The following FMNL3 variants were observed in gnomAD, a reference collection of about 807,000 sequenced individuals.
The protein encoded by FMNL3 is formin-like protein 3.
In FMNL3, 57 loss-of-function variants were observed where a neutral mutation model predicts 119.6. The observed-to-expected ratio is 0.48, with a 90% CI of 0.39 to 0.59. The LOEUF is 0.59. Ranked by LOEUF, FMNL3 falls within the 20% of genes least tolerant of loss-of-function variation. The pLI, the probability that FMNL3 is intolerant of heterozygous loss-of-function variation, is 0.00. For missense variants in FMNL3, 1,053 were observed against 1,323.5 expected (o/e 0.80, Z 3.17); for synonymous variants, 491 against 507.3 (o/e 0.97, Z 0.43).
rs200448485 is a variant in FMNL3, at chr12:49,666,193, C to T, written c.225G>A (p.Val75=). ...DLICDQERFQ[V]KNPPHTYIQK... The stretch of plus-strand genomic sequence containing the variant: ...GAATGTAAGTGTGGGGAGGATTCTT[C>T]ACCTGGAATCGTTCCTGTAAGGGAA... Residue 75 remains valine (V), a synonymous_variant, in exon 3 of 26, where the codon GTG becomes GTA. Transcript: ENST00000335154. 2 of 1,613,904 alleles carry T rather than the reference C, an allele frequency of 1.2e-6. No homozygotes were observed. Among genetic ancestry groups the T allele is most frequent in the Middle Eastern group, 1.7e-4 (1 of 6,056 alleles).
chr12:49,688,414 C>T (rs949125061), intron 1 of FMNL3: 11 of 455,990 alleles, frequency 2.4e-5, no homozygotes, highest in Non-Finnish European at 4.0e-5. Context: ...CCAAGGCCAA[C>T]AAGGTCCCAC....
rs759115586 is a variant in FMNL3, at chr12:49,642,363, C to G, written c.*3452G>C. ...TGCCTGCTCTGGAGCTAGGCACTGCCTGGGAAGAGGTCAGGAGCGTAGCCT... is the reference window on the plus strand; with the variant it reads ...TGCCTGCTCTGGAGCTAGGCACTGCGTGGGAAGAGGTCAGGAGCGTAGCCT... On this transcript the variant is annotated 3_prime_UTR_variant, in exon 26 of 26. Coordinates refer to ENST00000335154, the MANE Select transcript of FMNL3 (RefSeq NM_175736.5). This position sits in a 1 kb window ranked among gnomAD's most constrained non-coding sequence, Gnocchi z 5.8. 1 of 1,613,778 alleles carries G rather than the reference C, an allele frequency of 6.2e-7. No individual in the cohort carries two copies. The highest frequency in any genetic ancestry group is 1.1e-5 in the South Asian group (1 of 91,062).
In FMNL3 at chr12:49,652,188, G is replaced by GC. The variant is rs1943425412; in HGVS notation, c.1347_1348insG (p.Gln450AlafsTer10). 6.2e-7 allele frequency: 1 copy of GC among 1,612,996 alleles called. No homozygotes were observed. Among genetic ancestry groups the GC allele is most frequent in the African/African-American group, 1.3e-5 (1 of 74,898 alleles). The stretch of plus-strand genomic sequence containing the variant: ...ATGAGCCTCCGCAGGGTGTGCACCT[G>GC]GTGGCTTGTGTTCTCATATGTCTCC... On this transcript the variant is annotated frameshift_variant, in exon 14 of 26. Transcript: ENST00000335154. LOFTEE classifies it high-confidence loss of function.
Position 49,643,294 on chromosome 12 carries a change from C to G in FMNL3, c.*2521G>C. On this transcript the variant is annotated 3_prime_UTR_variant, in exon 26 of 26. Coordinates refer to ENST00000335154, the MANE Select transcript of FMNL3 (RefSeq NM_175736.5). ...CCCCCAAGCGGAGGAGGCGGAACCC[C>G]TCAGAGTCAGGCTCTGAGCCCTCTT... 1 of 1,613,416 alleles carries G rather than the reference C, an allele frequency of 6.2e-7. No individual in the cohort carries two copies. Among genetic ancestry groups the G allele is most frequent in the Non-Finnish European group, 8.5e-7 (1 of 1,179,802 alleles).
chr12:49,683,385 G>A (rs1413759983), intron 1 of FMNL3, among the ~76,000 whole-genome samples: 5 of 151,984 alleles, frequency 3.3e-5, no homozygotes, highest in Non-Finnish European at 5.9e-5. Flanking sequence ...CTTCTACTGT[G>A]TTCCCTTGTT....
chr12:49,649,545 G>C lies in FMNL3; in HGVS notation c.2236-7C>G. 2 of 1,614,196 alleles carry C rather than the reference G, an allele frequency of 1.2e-6. No homozygotes were observed. Among genetic ancestry groups the C allele is most frequent in the Non-Finnish European group, 8.5e-7 (1 of 1,180,050 alleles). On this transcript the variant is annotated splice_polypyrimidine_tract_variant and splice_region_variant and intron_variant, in intron 18 of 25. Transcript: ENST00000335154. The surrounding 1 kb of genome is among the most constrained non-coding windows in gnomAD (Gnocchi z 5.6). ...CAATGATGGCATTGAGTTGCTGTAGGACAATATGAACACTGAAGTAACCCC... is the reference window on the plus strand; with the variant it reads ...CAATGATGGCATTGAGTTGCTGTAGCACAATATGAACACTGAAGTAACCCC...
At chr12:49,698,308 C>T (rs559583918) in intron 1 of FMNL3, among the ~76,000 whole-genome samples, 6 of 151,914 alleles carry the variant, frequency 3.9e-5, no homozygotes, top group Non-Finnish European at 7.4e-5. Flanking sequence ...AAGAGATGGA[C>T]GTGGGGGATA....
chr12:49,684,411 T>G (rs930539673), intron 1 of FMNL3, among the ~76,000 whole-genome samples: 1 of 152,216 alleles, frequency 6.6e-6, no homozygotes, highest in Non-Finnish European at 1.5e-5. Context: ...TGTACTGTTA[T>G]GACACCAACT....
intron 1 of FMNL3, among the ~76,000 whole-genome samples, chr12:49,671,319 T>C (rs981756844): frequency 5.9e-5 from 9 of 152,348 alleles, no homozygotes; most frequent in South Asian, 2.1e-4. Context: ...TCCCAAAGTA[T>C]GGAAACGGGT....
intron 1 of FMNL3, 109 bp downstream of exon 1, chr12:49,706,946 G>C: frequency 7.8e-7 from 1 of 1,285,296 alleles, no homozygotes; most frequent in Non-Finnish European, 1.1e-6. Context: ...ATCCGTTCGG[G>C]ACCCCGACTG....
Position 49,656,464 on chromosome 12 carries a change from A to C in FMNL3, c.825T>G (p.Ala275=). ...CGTGACCTCCTCGCACCAAACACACAGCTGCCAGAAGCTCTAAGACAAGGG... is the reference window on the plus strand; with the variant it reads ...CGTGACCTCCTCGCACCAAACACACCGCTGCCAGAAGCTCTAAGACAAGGG... ...TKALVLELLA[A]VCLVRGGHEI... Residue 275 remains alanine, a synonymous_variant, in exon 9 of 26, where the codon GCT becomes GCG. Transcript: ENST00000335154. 2.5e-6 allele frequency: 4 copies of C among 1,614,118 alleles called. No individual in the cohort carries two copies. The highest frequency in any genetic ancestry group is 3.4e-6 in the Non-Finnish European group (4 of 1,179,996).
At position 49,636,797 on chromosome 12, in the gene FMNL3, G is replaced by A. The variant is rs752204001; in HGVS notation, c.*9018C>T. 2.1e-5 allele frequency: 34 copies of A among 1,614,112 alleles called. No individual in the cohort carries two copies. Among genetic ancestry groups the A allele is most frequent in the South Asian group, 5.5e-5 (5 of 91,088 alleles). ...AGGGAAGAGGAGGAGGAACGGGAGC[G>A]GGCCCGGCTTCGGGAGCGACGCCAA... On this transcript the variant is annotated 3_prime_UTR_variant, in exon 26 of 26. Coordinates refer to ENST00000335154, the MANE Select transcript of FMNL3 (RefSeq NM_175736.5).
chr12:49,662,854 T>G (rs181861430), intron 4 of FMNL3, among the ~76,000 whole-genome samples: 1 of 152,366 alleles, frequency 6.6e-6, no homozygotes. Flanking sequence ...TCTAGGGAAC[T>G]GTTATATGAC....
intron 4 of FMNL3, among the ~76,000 whole-genome samples, chr12:49,664,405 A>C (rs1943827269): frequency 1.3e-5 from 2 of 152,142 alleles, no homozygotes; most frequent in South Asian, 4.1e-4. Flanking sequence ...ACCCTGTCTT[A>C]AAAAACAAAT....
Position 49,644,227 on chromosome 12 carries a change from A to G in FMNL3, c.*1588T>C. ...CTGTTCTCTGCCTCGGGTCTGTGTG[A>G]GGCCATGGCTCCTGGGCCACCCTCA... On this transcript the variant is annotated 3_prime_UTR_variant, in exon 26 of 26. Coordinates refer to ENST00000335154, the MANE Select transcript of FMNL3 (RefSeq NM_175736.5). The G allele has an allele frequency of 6.2e-7, 1 of 1,610,778 alleles. No individual in the cohort carries two copies. The highest frequency in any genetic ancestry group is 8.5e-7 in the Non-Finnish European group (1 of 1,177,302).
chr12:49,688,857 CTG>C (rs1232474404), intron 1 of FMNL3, among the ~76,000 whole-genome samples: 1 of 152,156 alleles, frequency 6.6e-6, no homozygotes, highest in Non-Finnish European at 1.5e-5. Flanking sequence ...ACATTGGACA[CTG>C]TTACTATGAA....
At chr12:49,703,073 C>T in intron 1 of FMNL3, among the ~76,000 whole-genome samples, 1 of 152,328 alleles carries the variant, frequency 6.6e-6, no homozygotes, top group East Asian at 1.9e-4. Context: ...TGTCACACAA[C>T]CCTACCCTTA....
chr12:49,652,438 C>T (rs1311881237), intron 13 of FMNL3, among the ~76,000 whole-genome samples: 3 of 152,176 alleles, frequency 2.0e-5, no homozygotes, highest in African/African-American at 7.2e-5. Context: ...GAAGTGTCCT[C>T]TCTGCTCCAG....
At chr12:49,698,603 G>A (rs756857259) in intron 1 of FMNL3, among the ~76,000 whole-genome samples, 4 of 151,934 alleles carry the variant, frequency 2.6e-5, no homozygotes, top group Admixed American at 6.6e-5. Context: ...GTGAGGTGAT[G>A]GAAGACAGAA....
Sources: gnomAD v4.1 joint callset for allele counts (sites outside exome capture counted in the v4.1 genomes callset) on GRCh38, gnomAD v4.1.1 for gene constraint, Gnocchi (gnomAD v3.1) non-coding constraint, MANE v1.5 for transcripts, NCBI Gene and HGNC (gene_info 2026-07-23, HGNC 2026-07-21) for gene names.